The following ZNF346 variants were observed in gnomAD, a reference collection of about 807,000 sequenced individuals.
ZNF346 encodes the protein double-stranded RNA-binding zinc finger protein JAZ.
A neutral mutation model predicts 33.7 loss-of-function variants in ZNF346; 23 were observed. The observed-to-expected ratio is 0.68, with a 90% CI of 0.49 to 0.97. ZNF346 has a LOEUF of 0.97. Ranked by LOEUF, ZNF346 falls within the 50% of genes least tolerant of loss-of-function variation. The pLI is 0.00. For synonymous variants in ZNF346, 134 were observed against 142.4 expected, an observed-to-expected ratio of 0.94 and a Z score of 0.42; for missense variants, 340 against 371.1, an observed-to-expected ratio of 0.92 and a Z score of 0.69.
At chr5:177,040,017 A>G (rs918217250) in intron 1 of ZNF346, among the ~76,000 whole-genome samples, 4 of 151,960 alleles carry the variant, frequency 2.6e-5, no homozygotes, top group African/African-American at 9.7e-5. Flanking sequence ...CGTCTCTACT[A>G]AAAATACAAA....
chr5:177,028,040 CTTTTTTTTTTTTTTTT>C lies in ZNF346; in HGVS notation c.175+5144_175+5159del, dbSNP rs10682528. On this transcript the variant is annotated intron_variant, in intron 1 of 6. Transcript: ENST00000358149. Reference sequence around the variant, plus strand: ...GAATATTTTGTTTCTCCTTGTGTCACTTTTTTTTTTTTTTTTTTTTTTTTTTTTTTTTGAGACGGGG... The same window carrying C: ...GAATATTTTGTTTCTCCTTGTGTCACTTTTTTTTTTTTTTTTGAGACGGGG... Among the ~76,000 whole-genome samples the C allele has an allele frequency of 2.0e-3, 68 of 33,546 alleles. 1 individual carries two copies. The highest frequency in any genetic ancestry group is 2.9e-3 in the Non-Finnish European group (60 of 20,418). 22.0% of individuals were successfully genotyped at this position (33,546 alleles called of 152,430 possible). A position where few individuals can be genotyped will look rare whatever the true frequency, so the allele number is the denominator to read the frequency against.
downstream of ZNF346, among the ~76,000 whole-genome samples, chr5:177,069,028 G>A (rs1464791388): frequency 7.0e-6 from 1 of 143,052 alleles, no homozygotes; most frequent in Non-Finnish European, 1.5e-5. Context: ...TCCCCCAGAA[G>A]CAACCACTAT....
intron 5 of ZNF346, among the ~76,000 whole-genome samples, chr5:177,054,699 G>A (rs926043561): frequency 2.6e-5 from 4 of 151,862 alleles, no homozygotes; most frequent in South Asian, 2.1e-4. Context: ...GTGCCTGGCC[G>A]GCATTTTTTA....
At chr5:177,033,145 G>A (rs1777956840) in intron 1 of ZNF346, among the ~76,000 whole-genome samples, 1 of 152,114 alleles carries the variant, frequency 6.6e-6, no homozygotes, top group African/African-American at 2.4e-5. Context: ...GCGCAATTAT[G>A]GCTCACCAGA....
At chr5:177,069,839 T>G (rs1783419117), downstream of ZNF346, among the ~76,000 whole-genome samples, 4 of 152,040 alleles carry the variant, frequency 2.6e-5, no homozygotes, top group Admixed American at 2.6e-4. Context: ...TTTTCGTATT[T>G]TTTGTAGGGA....
chr5:177,079,393 C>T (rs1397136331), exon 9 of ZNF346: 1 of 152,090 alleles, frequency 6.6e-6, no homozygotes, highest in East Asian at 1.9e-4. Context: ...TAGGGGTGGC[C>T]GTGTCACAGT....
rs141677423 is a variant in ZNF346, at chr5:177,062,346, A to T, written c.797+195A>T. On this transcript the variant is annotated intron_variant, in intron 6 of 6. Coordinates refer to ENST00000358149, the MANE Select transcript of ZNF346 (RefSeq NM_012279.4). ...CCACCAGCTTCTGCCCAGCCTTTAGACCTGTTGGACTCAAGGGTTTAATAG... is the reference window on the plus strand; with the variant it reads ...CCACCAGCTTCTGCCCAGCCTTTAGTCCTGTTGGACTCAAGGGTTTAATAG... Among the ~76,000 whole-genome samples the T allele has an allele frequency of 9.1e-4, 139 of 152,212 alleles. 3 individuals carry two copies. In the East Asian group the frequency reaches 0.026, roughly 29 times the overall value.
chr5:177,047,583 G>T (rs191624277), intron 4 of ZNF346, among the ~76,000 whole-genome samples: 44 of 152,078 alleles, frequency 2.9e-4, no homozygotes, highest in Admixed American at 7.9e-4. Context: ...TTGACTCACT[G>T]CAACCTCCAC....
intron 4 of ZNF346, among the ~76,000 whole-genome samples, chr5:177,048,045 T>G (rs918175501): frequency 1.3e-5 from 2 of 152,256 alleles, no homozygotes; most frequent in African/African-American, 4.8e-5. Flanking sequence ...GTACTACATT[T>G]AATATTCGTC....
intron 8 of ZNF346, among the ~76,000 whole-genome samples, chr5:177,075,587 G>C (rs1203311750): frequency 6.6e-6 from 1 of 152,140 alleles, no homozygotes; most frequent in Non-Finnish European, 1.5e-5. Context: ...CACAATCATA[G>C]GTCACTGCAG....
At position 177,038,565 on chromosome 5, in the gene ZNF346, A is replaced by G. The variant is rs972555650; in HGVS notation, c.176-2561A>G. Among the ~76,000 whole-genome samples, 6 of 151,770 alleles carry G rather than the reference A, an allele frequency of 4.0e-5. No individual in the cohort carries two copies. The East Asian group carries it at 1.2e-3, about 30-fold the overall frequency. Reference sequence around the variant, plus strand: ...TGGTATGGCCCCCAGCACTAAGTGCAGTGTTGACACAAAGCACGTATTATA... The same window carrying G: ...TGGTATGGCCCCCAGCACTAAGTGCGGTGTTGACACAAAGCACGTATTATA... On this transcript the variant is annotated intron_variant, in intron 1 of 6. Coordinates refer to ENST00000358149, the MANE Select transcript of ZNF346 (RefSeq NM_012279.4).
chr5:177,054,386 TA>T (rs1229449573), intron 5 of ZNF346, among the ~76,000 whole-genome samples: 14 of 148,036 alleles, frequency 9.5e-5, no homozygotes, highest in Non-Finnish European at 1.9e-4. Context: ...ATTTTTTATT[TA>T]TTTATTTATT....
In ZNF346 at chr5:177,077,229, C is replaced by T. The variant is rs1423166208; in HGVS notation, c.*3-2153C>T. ...TTATTAAAAGGTTTTAAACAAATAG[C>T]AGTGAAAACAGGATGAATTTGCTGC... On this transcript the variant is annotated intron_variant, in intron 8 of 8. Transcript: ENST00000503039. This position sits in a 1 kb window ranked among gnomAD's most constrained non-coding sequence, Gnocchi z 5.0. Among the ~76,000 whole-genome samples the T allele has an allele frequency of 6.6e-6, 1 of 152,126 alleles. No homozygotes were observed. The highest frequency in any genetic ancestry group is 1.5e-5 in the Non-Finnish European group (1 of 68,024).
chr5:177,078,827 T>C (rs1339511203), intron 8 of ZNF346, among the ~76,000 whole-genome samples: 3 of 150,928 alleles, frequency 2.0e-5, no homozygotes, highest in Non-Finnish European at 4.4e-5. Flanking sequence ...AGGAGAATCA[T>C]CTGAACCCAG....
At chr5:177,054,817 G>GTA (rs1781452391) in intron 5 of ZNF346, among the ~76,000 whole-genome samples, 1 of 152,112 alleles carries the variant, frequency 6.6e-6, no homozygotes, top group South Asian at 2.1e-4. Flanking sequence ...TGATTGCATA[G>GTA]TATAATCTAT....
chr5:177,070,393 A>C (rs548691847), downstream of ZNF346, among the ~76,000 whole-genome samples: 42 of 152,274 alleles, frequency 2.8e-4, no homozygotes, highest in African/African-American at 9.6e-4. Context: ...GCAGGCAAGC[A>C]TATGAGGGAG....
intron 5 of ZNF346, among the ~76,000 whole-genome samples, chr5:177,057,625 C>T (rs1232023958): frequency 6.6e-6 from 1 of 151,580 alleles, no homozygotes; most frequent in Non-Finnish European, 1.5e-5. Context: ...GTAATCCCAA[C>T]TACTCAGGAT....
chr5:177,035,872 C>T (rs6875315), intron 1 of ZNF346, among the ~76,000 whole-genome samples: 14,810 of 151,800 alleles, frequency 0.098, 1,510 homozygotes, highest in African/African-American at 0.26. Flanking sequence ...AACTCCTGGC[C>T]TCGTGATCCG....
At position 177,077,720 on chromosome 5, in the gene ZNF346, G is replaced by A. The variant is rs1293566107; in HGVS notation, c.*3-1662G>A. On this transcript the variant is annotated intron_variant, in intron 8 of 8. Transcript: ENST00000503039. The surrounding 1 kb of genome is among the most constrained non-coding windows in gnomAD (Gnocchi z 5.0). ...CCATAAATGCCAAGGAGGAGTGTTG[G>A]TTTCATCCAGTCCCCCGTGGACTGC... Among the ~76,000 whole-genome samples, 1 of 152,172 alleles carries A rather than the reference G, an allele frequency of 6.6e-6. No homozygotes were observed. Among genetic ancestry groups the A allele is most frequent in the Non-Finnish European group, 1.5e-5 (1 of 68,036 alleles).
Sources: allele counts gnomAD v4.1 joint callset (sites outside exome capture counted in the v4.1 genomes callset), GRCh38; gene constraint gnomAD v4.1.1; non-coding constraint Gnocchi (gnomAD v3.1); transcripts MANE v1.5; gene names NCBI Gene and HGNC (gene_info 2026-07-23, HGNC 2026-07-21).